ZNF324B: variants seen among roughly 807,000 people sequenced by gnomAD.
ZNF324B encodes the protein zinc finger protein 324B.
A neutral mutation model predicts 10.6 loss-of-function variants in ZNF324B; 7 were observed. The observed-to-expected ratio is 0.66, with a 90% CI of 0.38 to 1.24. The LOEUF (loss-of-function observed/expected upper bound fraction) is 1.24, where lower values mean the gene tolerates loss of function less well. Among genes scored for constraint, ZNF324B ranks in the 50% most tolerant of loss-of-function variants. The pLI is 0.02. For synonymous variants in ZNF324B, 316 were observed against 321.0 expected (o/e 0.98, Z 0.17); for missense variants, 640 against 764.7 (o/e 0.84, Z 1.92).
chr19:58,436,496 C>T, the ZNF324B span, among the ~76,000 whole-genome samples: 19 of 151,874 alleles, frequency 1.3e-4, no homozygotes, highest in African/African-American at 4.3e-4. Flanking sequence ...GAAACCCCCT[C>T]TCTACTGAAA....
At position 58,456,857 on chromosome 19, in the gene ZNF324B, G is replaced by A. The variant is rs1599986771; in HGVS notation, c.*278G>A. On this transcript the variant is annotated 3_prime_UTR_variant, in exon 4 of 4. Transcript: ENST00000336614. This position sits in a 1 kb window ranked among gnomAD's most constrained non-coding sequence, Gnocchi z 4.7. ...CTGGTGGGGCTGAGGCTGTAGTTGG[G>A]GCCATAGGACGCCGACAAAGGCAGC... 7.3e-6 allele frequency: 4 copies of A among 547,364 alleles called. No individual in the cohort carries two copies. The highest frequency in any genetic ancestry group is 3.8e-5 in the African/African-American group (2 of 53,208). The allele number at this position is 547,364 out of a possible 1,614,324, so 33.9% of individuals were successfully genotyped here. A position where few individuals can be genotyped will look rare whatever the true frequency, so the allele number is the denominator to read the frequency against.
At chr19:58,423,252 C>T in the ZNF324B span, among the ~76,000 whole-genome samples, 5 of 152,238 alleles carry the variant, frequency 3.3e-5, no homozygotes, top group Non-Finnish European at 2.9e-5. Flanking sequence ...CTCTGCCTCC[C>T]GGGGTTCTCG....
At chr19:58,434,622 C>G in the ZNF324B span, 1 of 1,614,176 alleles carries the variant, frequency 6.2e-7, no homozygotes, top group Non-Finnish European at 8.5e-7. Flanking sequence ...TTGATTTCTC[C>G]TCTAAGAAAT....
chr19:58,456,389 T>C lies in ZNF324B; in HGVS notation c.1445T>C (p.Val482Ala), dbSNP rs916980314. Reference protein sequence around the residue: ...RRIHTGEKPFVCTQCGRAFRE... With the variant: ...RRIHTGEKPFACTQCGRAFRE... The stretch of plus-strand genomic sequence containing the variant: ...ATTCACACGGGCGAGAAGCCCTTCG[T>C]GTGCACGCAGTGTGGCCGCGCCTTC... The change falls in exon 4 of 4, where the codon GTG (valine) becomes GCG (alanine). Residue 482 changes from valine to alanine, a missense_variant. Val to Ala is a moderately conservative substitution (Grantham distance 64, BLOSUM62 0). Transcript: ENST00000336614. The surrounding 1 kb of genome is among the most constrained non-coding windows in gnomAD (Gnocchi z 4.7). 5 of 1,613,026 alleles carry C rather than the reference T, an allele frequency of 3.1e-6. No homozygotes were observed. The African/African-American group carries it at 4.0e-5, about 13-fold the overall frequency.
the ZNF324B span, among the ~76,000 whole-genome samples, chr19:58,423,342 A>G: frequency 6.6e-6 from 1 of 152,006 alleles, no homozygotes; most frequent in Non-Finnish European, 1.5e-5. Flanking sequence ...TTGTATCTTT[A>G]GTAGAGACAG....
chr19:58,434,720 C>T, the ZNF324B span: 14 of 1,614,158 alleles, frequency 8.7e-6, no homozygotes, highest in Non-Finnish European at 1.2e-5. Context: ...AAGGCTTTTC[C>T]ACAGTTGCTG....
At chr19:58,426,036 A>G in the ZNF324B span, among the ~76,000 whole-genome samples, 467 of 152,314 alleles carry the variant, frequency 3.1e-3, 1 homozygote, top group African/African-American at 0.011. Context: ...GGGTATAGTG[A>G]TTCCTTGAGG....
At chr19:58,440,397 C>T in the ZNF324B span, 1 of 154,036 alleles carries the variant, frequency 6.5e-6, no homozygotes, top group Non-Finnish European at 1.5e-5. Context: ...GCCGAGGAGA[C>T]AGGCACTTCC....
chr19:58,441,818 T>C, the ZNF324B span: 3 of 152,354 alleles, frequency 2.0e-5, no homozygotes, highest in Non-Finnish European at 4.4e-5. Flanking sequence ...TGTCTGCCCA[T>C]TGGCTTGGTG....
chr19:58,453,098 T>C (rs2052877390), intron 1 of ZNF324B: 2 of 146,392 alleles, frequency 1.4e-5, no homozygotes, highest in Non-Finnish European at 2.9e-5. Flanking sequence ...AATAAATAAA[T>C]AAATAAATAA....
chr19:58,434,538 G>A, the ZNF324B span: 1 of 1,614,176 alleles, frequency 6.2e-7, no homozygotes. Context: ...GCTTAGATGA[G>A]TGACTAAAGG....
chr19:58,427,343 C>CTT, the ZNF324B span, among the ~76,000 whole-genome samples: 4,483 of 20,644 alleles, frequency 0.22, 204 homozygotes, highest in Non-Finnish European at 0.26. Context: ...TTCTTTCTTT[C>CTT]TCTTTCCTTT....
chr19:58,418,773 C>T, the ZNF324B span: 1 of 152,116 alleles, frequency 6.6e-6, no homozygotes. Flanking sequence ...CCACATCTGA[C>T]TAATTTTAAA....
At chr19:58,429,861 T>G in the ZNF324B span, 1 of 152,216 alleles carries the variant, frequency 6.6e-6, no homozygotes, top group Admixed American at 6.5e-5. Context: ...TATCATGAGA[T>G]CTTGCCAGGT....
chr19:58,451,430 G>C (rs773899494), upstream of ZNF324B, among the ~76,000 whole-genome samples: 10 of 152,246 alleles, frequency 6.6e-5, no homozygotes, highest in Non-Finnish European at 1.2e-4. Context: ...GGAAACCCGC[G>C]GCAGCTGCGC....
chr19:58,434,161 T>A, the ZNF324B span: 1 of 1,614,170 alleles, frequency 6.2e-7, no homozygotes. Context: ...ATACGGTCTT[T>A]CTCCAGTGTG....
the ZNF324B span, chr19:58,429,032 G>A: frequency 6.6e-6 from 1 of 152,188 alleles, no homozygotes; most frequent in Non-Finnish European, 1.5e-5. Context: ...GGGCCCACAG[G>A]TGACCCTTGG....
At chr19:58,427,889 C>T in the ZNF324B span, among the ~76,000 whole-genome samples, 12,721 of 152,096 alleles carry the variant, frequency 0.084, 1,627 homozygotes, top group African/African-American at 0.28. Flanking sequence ...ACTTTATTTG[C>T]TTAGAAGGCT....
chr19:58,418,939 C>G, the ZNF324B span: 1 of 152,116 alleles, frequency 6.6e-6, no homozygotes, highest in Admixed American at 6.6e-5. Context: ...GGTTCTGATC[C>G]CTGTGTGTGG....
Sources: allele counts gnomAD v4.1 joint callset (sites outside exome capture counted in the v4.1 genomes callset), GRCh38; gene constraint gnomAD v4.1.1; non-coding constraint Gnocchi (gnomAD v3.1); transcripts MANE v1.5; gene names NCBI Gene and HGNC (gene_info 2026-07-23, HGNC 2026-07-21).